Variants in FSIP2 observed in about 807,000 individuals in gnomAD.
FSIP2 encodes fibrous sheath interacting protein 2, also known as fibrous sheath-interacting protein 2.
Under a neutral mutation model 510.5 loss-of-function variants are expected in FSIP2, and 367 were observed. The observed-to-expected ratio is 0.72, with a 90% CI of 0.66 to 0.78. The LOEUF is 0.78. FSIP2 is among the 30% of genes least tolerant of loss of function. FSIP2 has a pLI of 0.00. For missense variants in FSIP2, 7,594 were observed against 7,901.7 expected, an observed-to-expected ratio of 0.96 and a Z score of 1.48; for synonymous variants, 2,601 against 2,732.2, an observed-to-expected ratio of 0.95 and a Z score of 1.50.
Position 185,791,712 on chromosome 2 carries a change from A to G in FSIP2, c.4576A>G (p.Ile1526Val), listed in dbSNP as rs991659699. ...LDIDNPSFAS[I>V]IEKMAKSTKI... ...CATTGACAACCCATCATTTGCTTCA[A>G]TTATTGAGAAAATGGCCAAATCCAC... The change falls in exon 16 of 23, where the codon ATT becomes GTT. Residue 1526 changes from isoleucine to valine, a missense_variant. Ile to Val is a conservative substitution (Grantham distance 29). Coordinates refer to ENST00000424728, the MANE Select transcript of FSIP2 (RefSeq NM_173651.4). 6.5e-7 allele frequency: 1 copy of G among 1,534,440 alleles called. No individual in the cohort carries two copies. Among genetic ancestry groups the G allele is most frequent in the Non-Finnish European group, 8.7e-7 (1 of 1,145,592 alleles).
chr2:185,737,301 A>G (rs554113061), upstream of FSIP2, among the ~76,000 whole-genome samples: 5 of 152,348 alleles, frequency 3.3e-5, no homozygotes, highest in Admixed American at 3.3e-4. Flanking sequence ...GAGACCAAGT[A>G]ACAGAGGCCA....
intron 19 of FSIP2, among the ~76,000 whole-genome samples, chr2:185,818,371 A>T (rs1221926579): frequency 6.6e-6 from 1 of 151,890 alleles, no homozygotes; most frequent in East Asian, 1.9e-4. Context: ...CCTTATGTAA[A>T]TTCCAGAAGA....
chr2:185,799,822 G>C lies in FSIP2; in HGVS notation c.10516G>C (p.Val3506Leu). ...ATGTTGTGAACATCTCACTGAGTCAGTACTTTACCATTTAACTTCGAGCAT... is the reference window on the plus strand; with the variant it reads ...ATGTTGTGAACATCTCACTGAGTCACTACTTTACCATTTAACTTCGAGCAT... ...YQCCEHLTES[V>L]LYHLTSSISD... Residue 3506 changes from valine (V) to leucine (L), a missense_variant, in exon 17 of 23, where the codon GTA (valine) becomes CTA (leucine). Physicochemically the swap from Val to Leu is conservative, Grantham distance 32. Transcript: ENST00000424728. The C allele has an allele frequency of 6.5e-7, 1 of 1,532,044 alleles. No homozygotes were observed. The highest frequency in any genetic ancestry group is 8.7e-7 in the Non-Finnish European group (1 of 1,144,078). 94.9% of individuals were successfully genotyped at this position (1,532,044 alleles called of 1,614,324 possible).
intron 13 of FSIP2, among the ~76,000 whole-genome samples, chr2:185,776,302 TATA>T (rs972117306): frequency 1.7e-4 from 25 of 148,994 alleles, no homozygotes; most frequent in African/African-American, 6.2e-4. Context: ...AATTAAAAAT[TATA>T]ATAATAATAG....
Position 185,788,763 on chromosome 2 carries a change from T to C in FSIP2, c.1627T>C (p.Tyr543His). The C allele has an allele frequency of 6.5e-7, 1 of 1,534,362 alleles. No individual in the cohort carries two copies. The highest frequency in any genetic ancestry group is 2.0e-5 in the Admixed American group (1 of 50,872). Residue 543 changes from tyrosine (Y) to histidine (H), a missense_variant, in exon 16 of 23, where the codon TAC becomes CAC. Transcript: ENST00000424728. The stretch of plus-strand genomic sequence containing the variant: ...TGAAAAAAGATTGCAAAATAATACA[T>C]ACCCAGTATCTGATGACTCCATCCT... Reference protein sequence around the residue: ...KYEKRLQNNTYPVSDDSILSS... With the variant: ...KYEKRLQNNTHPVSDDSILSS...
chr2:185,771,602 C>G (rs1692609925), intron 13 of FSIP2, among the ~76,000 whole-genome samples: 1 of 152,136 alleles, frequency 6.6e-6, no homozygotes, highest in Non-Finnish European at 1.5e-5. Context: ...TGGGTCTGGC[C>G]CCTAAAACCA....
rs762269086 is a variant in FSIP2 at position 185,789,503 on chromosome 2, T to A, written c.2367T>A (p.Ser789Arg). 2.3e-5 allele frequency: 36 copies of A among 1,534,550 alleles called. No individual in the cohort carries two copies. The highest frequency in any genetic ancestry group is 5.5e-5 in the African/African-American group (4 of 72,942). ...SQDLSVDIKP[S>R]LAASDELLTS... Reference sequence around the variant, plus strand: ...ATTTGTCAGTCGACATTAAACCAAGTTTAGCAGCCAGTGATGAACTTCTCA... The same window carrying A: ...ATTTGTCAGTCGACATTAAACCAAGATTAGCAGCCAGTGATGAACTTCTCA... Residue 789 changes from serine to arginine, a missense_variant, in exon 16 of 23, where the codon AGT (serine) becomes AGA (arginine). Coordinates refer to ENST00000424728, the MANE Select transcript of FSIP2 (RefSeq NM_173651.4).
chr2:185,744,390 G>A lies in FSIP2; in HGVS notation c.456G>A (p.Glu152=). 8.7e-7 allele frequency: 1 copy of A among 1,143,850 alleles called. No homozygotes were observed. Among genetic ancestry groups the A allele is most frequent in the South Asian group, 1.8e-5 (1 of 54,504 alleles). The allele number at this position is 1,143,850 out of a possible 1,614,324, so 70.9% of individuals were successfully genotyped here. The part of the protein sequence containing the change: ...QYLTSLKLDF[E]RNYIKEQRIL... The stretch of plus-strand genomic sequence containing the variant: ...TTACCAGTTTAAAATTAGACTTTGA[G>A]AGAAACTATATAAAAGAACAAGTAA... The change falls in exon 4 of 23, where the codon GAG becomes GAA. Residue 152 remains glutamate (E), a synonymous_variant. Coordinates refer to ENST00000424728, the MANE Select transcript of FSIP2 (RefSeq NM_173651.4).
intron 9 of FSIP2, among the ~76,000 whole-genome samples, chr2:185,758,776 T>C (rs1692294242): frequency 6.6e-6 from 1 of 151,230 alleles, no homozygotes; most frequent in Non-Finnish European, 1.5e-5. Flanking sequence ...TGATCATCGA[T>C]AGCTGGGCCT....
chr2:185,806,025 A>G lies in FSIP2; in HGVS notation c.16719A>G (p.Thr5573=). The change falls in exon 17 of 23, where the codon ACA becomes ACG. Residue 5573 remains threonine (T), a synonymous_variant. Transcript: ENST00000424728. ...AGAAGAAAAGAAATTTAATTCCAAC[A>G]GATAAAAAAGGGAAAGATGATGAGA... ...EIEKKRNLIP[T]DKKGKDDEIY... is the part of the protein sequence containing the mutation. The G allele has an allele frequency of 6.4e-7, 1 of 1,553,246 alleles. No homozygotes were observed. The highest frequency in any genetic ancestry group is 2.2e-5 in the East Asian group (1 of 44,524).
At chr2:185,787,132 T>G (rs1295250275) in intron 15 of FSIP2, among the ~76,000 whole-genome samples, 1 of 151,860 alleles carries the variant, frequency 6.6e-6, no homozygotes, top group Admixed American at 6.6e-5. Flanking sequence ...TTATATGTGT[T>G]GTAGTTGATT....
intron 20 of FSIP2, among the ~76,000 whole-genome samples, chr2:185,826,571 C>A (rs1460763760): frequency 6.6e-6 from 1 of 151,772 alleles, no homozygotes; most frequent in African/African-American, 2.4e-5. Flanking sequence ...CGCTACCTAT[C>A]CCAGTTCTTT....
At chr2:185,747,166 T>C in intron 6 of FSIP2, 147 bp from the exon 7 acceptor site, 1 of 560,644 alleles carries the variant, frequency 1.8e-6, no homozygotes, top group Non-Finnish European at 3.2e-6. Flanking sequence ...GAAAAGTATA[T>C]TCTAAACCGA....
intron 22 of FSIP2, among the ~76,000 whole-genome samples, chr2:185,832,290 T>C (rs930557719): frequency 1.3e-5 from 2 of 151,778 alleles, no homozygotes; most frequent in Non-Finnish European, 2.9e-5. Flanking sequence ...ATGAGCAAGG[T>C]AGGTACCATA....
At position 185,796,035 on chromosome 2, in the gene FSIP2, A is replaced by C; in HGVS notation, c.8899A>C (p.Ser2967Arg). ...TGGTTTTCCAAACAAGCATAGCCTC[A>C]GCAGTTTACCAATCTATAACACAAA... Reference protein sequence around the residue: ...KYGFPNKHSLSSLPIYNTKTK... With the variant: ...KYGFPNKHSLRSLPIYNTKTK... Residue 2967 changes from serine (S) to arginine (R), a missense_variant, in exon 16 of 23, where the codon AGC becomes CGC. By Grantham distance (110) the Ser-to-Arg change is moderately radical. Transcript: ENST00000424728. The C allele has an allele frequency of 6.5e-7, 1 of 1,533,092 alleles. No homozygotes were observed. Among genetic ancestry groups the C allele is most frequent in the Non-Finnish European group, 8.7e-7 (1 of 1,145,548 alleles). 95.0% of individuals were successfully genotyped at this position (1,533,092 alleles called of 1,614,324 possible).
chr2:185,808,874 C>T lies in FSIP2; in HGVS notation c.19568C>T (p.Pro6523Leu), dbSNP rs373722597. 6.2e-7 allele frequency: 1 copy of T among 1,608,804 alleles called. No individual in the cohort carries two copies. The highest frequency in any genetic ancestry group is 8.5e-7 in the Non-Finnish European group (1 of 1,178,460). Residue 6523 changes from proline to leucine, a missense_variant, in exon 17 of 23, where the codon CCA (proline) becomes CTA (leucine). Coordinates refer to ENST00000424728, the MANE Select transcript of FSIP2 (RefSeq NM_173651.4). ...SEEESPIKIV[P>L]HVGKKPVKID... ...GAGGAATCTCCAATTAAAATAGTTC[C>T]ACATGTTGGAAAAAAACCAGTCAAA... is the stretch of plus-strand genomic sequence containing the variant.
chr2:185,787,474 A>G (rs898597389), intron 15 of FSIP2, among the ~76,000 whole-genome samples: 4 of 151,772 alleles, frequency 2.6e-5, no homozygotes, highest in Middle Eastern at 3.2e-3. Flanking sequence ...GGGTGTTAGC[A>G]GCCTAGTTAC....
chr2:185,812,006 G>A (rs1322865466), intron 17 of FSIP2, among the ~76,000 whole-genome samples: 1 of 152,096 alleles, frequency 6.6e-6, no homozygotes, highest in Non-Finnish European at 1.5e-5. Flanking sequence ...TACAGAGGGG[G>A]CATGTTAAGG....
At chr2:185,747,274 A>G in intron 6 of FSIP2, 39 bp from the exon 7 acceptor site, 1 of 1,103,886 alleles carries the variant, frequency 9.1e-7, no homozygotes, top group Non-Finnish European at 1.3e-6. Context: ...TTGTTGTGAA[A>G]GGCACACACA....
Sources: gnomAD v4.1 joint callset for allele counts (sites outside exome capture counted in the v4.1 genomes callset) on GRCh38, gnomAD v4.1.1 for gene constraint, MANE v1.5 for transcripts, NCBI Gene and HGNC (gene_info 2026-07-23, HGNC 2026-07-21) for gene names.